The following MAST2 variants were observed in gnomAD, a reference collection of about 807,000 sequenced individuals.
MAST2 encodes microtubule-associated serine/threonine-protein kinase 2.
Under a neutral mutation model 147.4 loss-of-function variants are expected in MAST2, and 70 were observed. The observed-to-expected ratio is 0.47, with a 90% confidence interval of 0.39 to 0.58. MAST2 has a LOEUF of 0.58. MAST2 is among the 20% of genes least tolerant of loss of function. The probability of loss-of-function intolerance (pLI) is 0.00; values close to 1 mark genes in which losing one functional copy is unlikely to be tolerated. For synonymous variants in MAST2, 869 were observed against 896.8 expected, an observed-to-expected ratio of 0.97 and a Z score of 0.55; for missense variants, 2,080 against 2,302.3, an observed-to-expected ratio of 0.90 and a Z score of 1.98.
intron 1 of MAST2, among the ~76,000 whole-genome samples, chr1:45,817,469 A>G (rs1404355398): frequency 1.3e-5 from 2 of 152,240 alleles, no homozygotes; most frequent in African/African-American, 4.8e-5. Flanking sequence ...CTAGAATAGT[A>G]TATCTGGTGA....
chr1:45,858,445 C>T (rs1271416981), intron 3 of MAST2, among the ~76,000 whole-genome samples: 1 of 151,948 alleles, frequency 6.6e-6, no homozygotes, highest in African/African-American at 2.4e-5. Context: ...CCTTTGCCCA[C>T]TTTGTGATGG....
intron 3 of MAST2, among the ~76,000 whole-genome samples, chr1:45,854,486 G>T (rs566836355): frequency 8.0e-4 from 122 of 152,238 alleles, no homozygotes; most frequent in South Asian, 1.5e-3. Flanking sequence ...TGGGTAGAGT[G>T]ATTCCTTACA....
intron 5 of MAST2, among the ~76,000 whole-genome samples, chr1:45,984,785 C>G (rs2149079783): frequency 6.6e-6 from 1 of 152,050 alleles, no homozygotes; most frequent in African/African-American, 2.4e-5. Context: ...CCCAGGAGTT[C>G]AAGACTGCAA....
intron 3 of MAST2, among the ~76,000 whole-genome samples, chr1:45,876,430 A>G (rs943415934): frequency 6.6e-6 from 1 of 152,242 alleles, no homozygotes. Flanking sequence ...CAGGAAGATC[A>G]TTAAGAACAT....
chr1:46,012,078 A>G (rs551718978), intron 10 of MAST2, among the ~76,000 whole-genome samples: 1 of 152,368 alleles, frequency 6.6e-6, no homozygotes, highest in South Asian at 2.1e-4. Context: ...ACATTGTAGA[A>G]GTATAACTTT....
chr1:45,951,672 G>A (rs1658950967), intron 4 of MAST2, among the ~76,000 whole-genome samples: 2 of 152,192 alleles, frequency 1.3e-5, no homozygotes, highest in African/African-American at 4.8e-5. Context: ...ATTAGAATTC[G>A]AGGAATAAAA....
At chr1:45,921,633 G>A (rs979753667) in intron 4 of MAST2, among the ~76,000 whole-genome samples, 7 of 152,160 alleles carry the variant, frequency 4.6e-5, no homozygotes, top group African/African-American at 1.7e-4. Flanking sequence ...GGGACCAGGC[G>A]CCACGCAAGC....
chr1:45,804,370 T>C (rs1644077472), intron 1 of MAST2, among the ~76,000 whole-genome samples: 1 of 151,980 alleles, frequency 6.6e-6, no homozygotes, highest in South Asian at 2.1e-4. Flanking sequence ...CTGCAACGAG[T>C]AGGCTTACTA....
At chr1:45,818,128 A>T (rs1451200968) in intron 1 of MAST2, among the ~76,000 whole-genome samples, 1 of 152,128 alleles carries the variant, frequency 6.6e-6, no homozygotes, top group Non-Finnish European at 1.5e-5. Flanking sequence ...TGGTTGTGTG[A>T]TGTGCAGTTG....
chr1:45,847,075 T>C (rs187698355), intron 3 of MAST2: 51 of 454,478 alleles, frequency 1.1e-4, no homozygotes, highest in Non-Finnish European at 2.1e-4. Context: ...TCTGTAGTTA[T>C]AATAGTTTTC....
intron 4 of MAST2, among the ~76,000 whole-genome samples, chr1:45,884,568 T>A (rs1439226441): frequency 6.6e-6 from 1 of 151,822 alleles, no homozygotes; most frequent in Non-Finnish European, 1.5e-5. Context: ...AATAAATAAA[T>A]AAATAAAAAA....
chr1:45,923,278 G>A (rs957949111), intron 4 of MAST2, among the ~76,000 whole-genome samples: 6 of 152,158 alleles, frequency 3.9e-5, no homozygotes, highest in South Asian at 2.1e-4. Flanking sequence ...CCACCTTGGC[G>A]TCTGCACCGG....
intron 4 of MAST2, among the ~76,000 whole-genome samples, chr1:45,909,482 TTAAGAACAATCACACCATCATTCTA>T (rs1171042432): frequency 6.6e-6 from 1 of 152,112 alleles, no homozygotes; most frequent in Non-Finnish European, 1.5e-5. Flanking sequence ...TATTATGCTT[TTAAGAACAATCACACCATCATTCTA>T]TATCGTCTTT....
intron 4 of MAST2, among the ~76,000 whole-genome samples, chr1:45,950,373 C>A (rs1282260843): frequency 6.6e-6 from 1 of 152,078 alleles, no homozygotes; most frequent in African/African-American, 2.4e-5. Context: ...ACAATTAGGA[C>A]CCTCAAAAGA....
chr1:45,964,352 T>G (rs1001247325), intron 5 of MAST2, among the ~76,000 whole-genome samples: 1 of 152,154 alleles, frequency 6.6e-6, no homozygotes. Flanking sequence ...GTCCTGGACT[T>G]TTTTTGGTTG....
intron 3 of MAST2, among the ~76,000 whole-genome samples, chr1:45,874,364 A>C (rs1341905034): frequency 6.6e-6 from 1 of 152,222 alleles, no homozygotes; most frequent in Admixed American, 6.5e-5. Flanking sequence ...TTTTAAGACT[A>C]GATAGTAAAT....
At chr1:46,000,882 C>T in intron 6 of MAST2, 1 of 1,115,048 alleles carries the variant, frequency 9.0e-7, no homozygotes, top group South Asian at 1.3e-5. Flanking sequence ...CCAAGCTAGA[C>T]CAAATACCAA....
chr1:45,994,742 T>C (rs1169715763), intron 5 of MAST2, among the ~76,000 whole-genome samples: 2 of 152,172 alleles, frequency 1.3e-5, no homozygotes, highest in African/African-American at 4.8e-5. Flanking sequence ...TACAGGCTCC[T>C]TCCCAGGAAC....
chr1:46,036,103 A>C lies in MAST2; in HGVS notation c.*37A>C. ...CATTTCTTGCACTCAGACCTGTGTA[A>C]TATATGCTCCTGGAAACCATCTTTA... On this transcript the variant is annotated 3_prime_UTR_variant, in exon 29 of 29. Transcript: ENST00000361297. 1 of 1,536,506 alleles carries C rather than the reference A, an allele frequency of 6.5e-7. No individual in the cohort carries two copies. Among genetic ancestry groups the C allele is most frequent in the Non-Finnish European group, 8.8e-7 (1 of 1,138,846 alleles).
Sources: allele counts gnomAD v4.1 joint callset (sites outside exome capture counted in the v4.1 genomes callset), GRCh38; gene constraint gnomAD v4.1.1; transcripts MANE v1.5; gene names NCBI Gene and HGNC (gene_info 2026-07-23, HGNC 2026-07-21).